The following LONRF3 variants were observed in gnomAD, a reference collection of about 807,000 sequenced individuals.
LONRF3 encodes the protein LON peptidase N-terminal domain and ring finger 3.
A neutral mutation model predicts 51.7 loss-of-function variants in LONRF3; 19 were observed. The observed-to-expected ratio is 0.37, with a 90% confidence interval of 0.26 to 0.54. The LOEUF is 0.54. Ranked by LOEUF, LONRF3 falls within the 20% of genes least tolerant of loss-of-function variation. LONRF3 has a pLI of 0.86. For missense variants in LONRF3, 521 were observed against 623.9 expected, an observed-to-expected ratio of 0.84 and a Z score of 1.76; for synonymous variants, 265 against 257.8, an observed-to-expected ratio of 1.03 and a Z score of -0.27.
chrX:118,982,127 A>C (rs1196242364), intron 2 of LONRF3, among the ~76,000 whole-genome samples: 1 of 111,882 alleles, frequency 8.9e-6, no homozygotes, highest in Non-Finnish European at 1.9e-5. Flanking sequence ...GAGGAGCCAT[A>C]AACTTCTTTA....
intron 5 of LONRF3, among the ~76,000 whole-genome samples, chrX:118,998,519 G>A (rs1285723944): frequency 2.7e-5 from 3 of 110,588 alleles, no homozygotes; most frequent in East Asian, 2.8e-4. Context: ...TATAATGCTC[G>A]GGTGATGGTG....
At chrX:118,988,976 G>A (rs1346473203) in intron 3 of LONRF3, among the ~76,000 whole-genome samples, 3 of 110,636 alleles carry the variant, frequency 2.7e-5, no homozygotes, top group Admixed American at 9.6e-5. Context: ...TTTGGGGATC[G>A]CAGACGGCCG....
chrX:118,987,211 T>C (rs967924601), intron 3 of LONRF3: 1 of 491,566 alleles, frequency 2.0e-6, no homozygotes. Context: ...AGTGGTTCTG[T>C]TCTTTGCAAA....
At chrX:118,990,967 C>G (rs12843423) in intron 5 of LONRF3, among the ~76,000 whole-genome samples, 3,844 of 111,411 alleles carry the variant, frequency 0.035, 147 homozygotes, top group African/African-American at 0.12. Flanking sequence ...AAGCGATTCA[C>G]GTGCCTCAGC....
intron 6 of LONRF3, 143 bp from the exon 7 acceptor site, chrX:119,008,983 G>A: frequency 2.7e-6 from 1 of 368,185 alleles, no homozygotes; most frequent in South Asian, 1.0e-4. Flanking sequence ...CATATATTAT[G>A]ATGGTAACAG....
chrX:118,982,678 G>C, intron 2 of LONRF3, 143 bp from the exon 3 acceptor site: 1 of 780,663 alleles, frequency 1.3e-6, no homozygotes, highest in Non-Finnish European at 1.9e-6. Flanking sequence ...CATTAGAACA[G>C]TTGCCCGCAT....
intron 3 of LONRF3, among the ~76,000 whole-genome samples, chrX:118,988,847 T>G (rs1287527405): frequency 2.8e-5 from 3 of 108,290 alleles, no homozygotes; most frequent in Non-Finnish European, 5.7e-5. Flanking sequence ...GTAAAAGGAA[T>G]AGTTTGTACC....
At chrX:119,004,224 TTTTAA>T (rs1373916378) in intron 5 of LONRF3, among the ~76,000 whole-genome samples, 1 of 112,106 alleles carries the variant, frequency 8.9e-6, no homozygotes, top group African/African-American at 3.2e-5. Context: ...AATTTATTAG[TTTTAA>T]TTAATTTGTT....
chrX:118,987,292 T>A (rs190511972), intron 3 of LONRF3, among the ~76,000 whole-genome samples: 9 of 109,521 alleles, frequency 8.2e-5, no homozygotes, highest in Non-Finnish European at 1.1e-4. Flanking sequence ...TGAAAAAAAA[T>A]TATGAAACAG....
At chrX:119,015,368 G>C (rs1218089061) in intron 10 of LONRF3, among the ~76,000 whole-genome samples, 1 of 111,872 alleles carries the variant, frequency 8.9e-6, no homozygotes, top group Non-Finnish European at 1.9e-5. Flanking sequence ...ACATGAGGAG[G>C]GTTCTAAAGC....
chrX:118,991,474 T>C (rs1050156789), intron 5 of LONRF3, among the ~76,000 whole-genome samples: 3 of 111,570 alleles, frequency 2.7e-5, no homozygotes, highest in Non-Finnish European at 5.6e-5. Flanking sequence ...GGGCCTGAGA[T>C]ACTTAGCCAA....
Position 118,974,745 on chromosome X carries a change from C to G in LONRF3, c.-36C>G. The G allele has an allele frequency of 9.0e-7, 1 of 1,109,757 alleles. No homozygotes were observed. The highest frequency in any genetic ancestry group is 1.2e-6 in the Non-Finnish European group (1 of 831,060). The allele number at this position is 1,109,757 out of a possible 1,213,427, so 91.5% of individuals were successfully genotyped here. A position where few individuals can be genotyped will look rare whatever the true frequency, so the allele number is the denominator to read the frequency against. On this transcript the variant is annotated 5_prime_UTR_variant, in exon 1 of 11. Coordinates refer to ENST00000371628, the MANE Select transcript of LONRF3 (RefSeq NM_001031855.3). ...CACTCCTTGCTTCGTGTCCCCGGTCCCTAGACGCCTCGTCTCCTCCCGTGT... is the reference window on the plus strand; with the variant it reads ...CACTCCTTGCTTCGTGTCCCCGGTCGCTAGACGCCTCGTCTCCTCCCGTGT...
chrX:119,017,546 T>C lies in LONRF3; in HGVS notation c.2136T>C (p.Asn712=). Reference sequence around the variant, plus strand: ...TTTCTCTGTTGCAGATGAACCCGAATGGCCCAGCCTGGTGCTGGTGGATGT... The same window carrying C: ...TTTCTCTGTTGCAGATGAACCCGAACGGCCCAGCCTGGTGCTGGTGGATGT... ...EKDADPQMNP[N]GPAWCWWMLA... Residue 712 remains asparagine, a synonymous_variant, in exon 11 of 11, where the codon AAT becomes AAC. Transcript: ENST00000371628. 8.3e-7 allele frequency: 1 copy of C among 1,208,908 alleles called. No homozygotes were observed. The highest frequency in any genetic ancestry group is 1.1e-6 in the Non-Finnish European group (1 of 894,485).
intron 2 of LONRF3, among the ~76,000 whole-genome samples, chrX:118,980,544 A>T (rs1488912719): frequency 1.0e-5 from 1 of 99,907 alleles, no homozygotes; most frequent in Non-Finnish European, 2.0e-5. Context: ...TTTCTTGAGA[A>T]GGTTTTCATG....
intron 9 of LONRF3, 138 bp downstream of exon 9, chrX:119,013,339 G>A (rs1245754820): frequency 1.6e-6 from 1 of 635,623 alleles, no homozygotes; most frequent in African/African-American, 2.3e-5. Context: ...AACATTGAAT[G>A]CTGCTGGATT....
Position 119,015,472 on chromosome X carries a change from T to TC in LONRF3, c.2124+1124dup, listed in dbSNP as rs921410199. Among the ~76,000 whole-genome samples, 286 of 110,283 alleles carry TC rather than the reference T, an allele frequency of 2.6e-3. 1 individual carries two copies. Among genetic ancestry groups the TC allele is most frequent in the Non-Finnish European group, 1.6e-3 (86 of 52,601 alleles). On this transcript the variant is annotated intron_variant, in intron 10 of 10. Coordinates refer to ENST00000371628, the MANE Select transcript of LONRF3 (RefSeq NM_001031855.3). ...CCTCAGACCACAAAGGTGGCTTCTTTCCCCCCCCATGCAAAGGCATCATGA... is the reference window on the plus strand; with the variant it reads ...CCTCAGACCACAAAGGTGGCTTCTTTCCCCCCCCCATGCAAAGGCATCATGA...
At chrX:118,983,606 T>C (rs1337408233) in intron 3 of LONRF3, among the ~76,000 whole-genome samples, 1 of 112,700 alleles carries the variant, frequency 8.9e-6, no homozygotes, top group Non-Finnish European at 1.9e-5. Flanking sequence ...CTCAGCCATC[T>C]TCAATTCATG....
At chrX:118,987,211 TTC>T in intron 3 of LONRF3, 1 of 491,566 alleles carries the variant, frequency 2.0e-6, no homozygotes. Context: ...AGTGGTTCTG[TTC>T]TTTGCAAAGA....
In LONRF3 at chrX:118,975,203, G is replaced by C. The variant is rs1314531197; in HGVS notation, c.423G>C (p.Thr141=). The C allele has an allele frequency of 8.6e-7, 1 of 1,167,914 alleles. No homozygotes were observed. The highest frequency in any genetic ancestry group is 1.9e-5 in the South Asian group (1 of 52,476). ...GCGGCACCGTGGCGGCGGAAGAGACGGGGGCCGCCGCGGCTGCGGCGGCCA... is the reference window on the plus strand; with the variant it reads ...GCGGCACCGTGGCGGCGGAAGAGACCGGGGCCGCCGCGGCTGCGGCGGCCA... ...TASGTVAAEE[T]GAAAAAAATE... Residue 141 remains threonine, a synonymous_variant, in exon 1 of 11, where the codon ACG becomes ACC. Coordinates refer to ENST00000371628, the MANE Select transcript of LONRF3 (RefSeq NM_001031855.3).
Sources: gnomAD v4.1 joint callset for allele counts (sites outside exome capture counted in the v4.1 genomes callset) on GRCh38, gnomAD v4.1.1 for gene constraint, MANE v1.5 for transcripts, NCBI Gene and HGNC (gene_info 2026-07-23, HGNC 2026-07-21) for gene names.